The following SH3BGR variants were observed in gnomAD, a reference collection of about 807,000 sequenced individuals.
SH3BGR encodes SH3 domain binding glutamate rich protein, also known as SH3 domain-binding glutamic acid-rich protein.
SH3BGR carries 29 observed loss-of-function variants against 24.5 expected under a neutral mutation model. The ratio of observed to expected loss-of-function variants is 1.18; its 90% CI spans 0.88 to 1.61. The LOEUF (loss-of-function observed/expected upper bound fraction) is 1.61. Among genes scored for constraint, SH3BGR ranks in the 40% most tolerant of loss-of-function variants. The probability of loss-of-function intolerance (pLI) is 0.00; values close to 1 mark genes in which losing one functional copy is unlikely to be tolerated. For synonymous variants in SH3BGR, 55 were observed against 65.7 expected (o/e 0.84, Z 0.79); for missense variants, 162 against 205.8 (o/e 0.79, Z 1.30).
intron 6 of SH3BGR, among the ~76,000 whole-genome samples, chr21:39,512,406 G>A (rs1330826869): frequency 6.6e-6 from 1 of 152,240 alleles, no homozygotes; most frequent in East Asian, 1.9e-4. Flanking sequence ...GTCCCTTTAG[G>A]TATCTTTGAC....
upstream of SH3BGR, among the ~76,000 whole-genome samples, chr21:39,451,224 TG>T (rs2148440759): frequency 1.3e-5 from 2 of 152,360 alleles, no homozygotes; most frequent in South Asian, 4.1e-4. Flanking sequence ...ACAAAGAGCC[TG>T]TTATAAACAG....
rs748993234 is a variant in SH3BGR, at chr21:39,509,001, G to A, written c.409G>A (p.Glu137Lys). ...NLPEAQEKNE[E>K]EGETATEETE... ...AATTTTGATTTATGGATGTAAGGAA[G>A]AAGAAGGAGAGACAGCCACAGAAGA... Residue 137 changes from glutamate (E) to lysine (K), a missense_variant, in exon 5 of 7, where the codon GAA becomes AAA. Transcript: ENST00000333634. 4 of 1,608,360 alleles carry A rather than the reference G, an allele frequency of 2.5e-6. No individual in the cohort carries two copies. The highest frequency in any genetic ancestry group is 1.1e-5 in the South Asian group (1 of 89,876).
intron 3 of SH3BGR, chr21:39,491,793 TG>T (rs2123464862): frequency 4.7e-6 from 1 of 212,742 alleles, no homozygotes; most frequent in East Asian, 1.1e-4. Context: ...AATTTCTTAA[TG>T]GCCTTGTTCT....
At chr21:39,473,546 G>C (rs1396032155) in intron 2 of SH3BGR, among the ~76,000 whole-genome samples, 1 of 152,250 alleles carries the variant, frequency 6.6e-6, no homozygotes, top group East Asian at 1.9e-4. Flanking sequence ...ATCACTGAGA[G>C]ACTTGAGGCA....
intron 2 of SH3BGR, among the ~76,000 whole-genome samples, chr21:39,465,949 T>C (rs1280081155): frequency 6.6e-6 from 1 of 152,182 alleles, no homozygotes; most frequent in South Asian, 2.1e-4. Flanking sequence ...TTTGGCTTGG[T>C]CCTCTAATGA....
At chr21:39,481,231 G>C (rs1045603505) in intron 3 of SH3BGR, among the ~76,000 whole-genome samples, 10 of 152,196 alleles carry the variant, frequency 6.6e-5, no homozygotes, top group African/African-American at 2.4e-4. Flanking sequence ...TAGGAAGGTA[G>C]AGGCAGGAGG....
intron 3 of SH3BGR, among the ~76,000 whole-genome samples, chr21:39,475,969 G>A (rs1378888386): frequency 6.6e-6 from 1 of 151,942 alleles, no homozygotes; most frequent in Non-Finnish European, 1.5e-5. Context: ...AAGAAGTGAG[G>A]TAGGCAATTG....
chr21:39,452,210 A>G lies in SH3BGR; in HGVS notation c.45+69A>G, dbSNP rs62225184. ...TAACTTAGGGTTGGAAATATGGCCA[A>G]CGTTGGCCTTCAGTTTCTTTTTTGC... On this transcript the variant is annotated intron_variant, in intron 1 of 6. Coordinates refer to ENST00000333634, the MANE Select transcript of SH3BGR (RefSeq NM_007341.3). 10,383 of 1,594,786 alleles carry G rather than the reference A, an allele frequency of 6.5e-3. 47 individuals are homozygous for G. Among genetic ancestry groups the G allele is most frequent in the Non-Finnish European group, 7.6e-3 (8,855 of 1,169,650 alleles).
chr21:39,451,514 T>C (rs891975904), upstream of SH3BGR, among the ~76,000 whole-genome samples: 2 of 152,194 alleles, frequency 1.3e-5, no homozygotes, highest in Non-Finnish European at 2.9e-5. Flanking sequence ...AAAATTTTTT[T>C]TAACCTGCCA....
intron 3 of SH3BGR, among the ~76,000 whole-genome samples, chr21:39,499,310 G>T (rs564286239): frequency 8.2e-5 from 12 of 145,834 alleles, no homozygotes; most frequent in African/African-American, 2.9e-4. Context: ...CCATCTGTTT[G>T]CCCATCCATC....
intron 2 of SH3BGR, among the ~76,000 whole-genome samples, chr21:39,469,174 C>T (rs931495777): frequency 6.6e-6 from 1 of 151,202 alleles, no homozygotes; most frequent in Admixed American, 6.6e-5. Flanking sequence ...TTCCCATGTA[C>T]CCCCTGTTCC....
chr21:39,510,365 T>TACGTGCAC (rs1555915353), intron 5 of SH3BGR, among the ~76,000 whole-genome samples: 7 of 115,772 alleles, frequency 6.0e-5, no homozygotes, highest in African/African-American at 2.3e-4. Flanking sequence ...TGTAGCTACA[T>TACGTGCAC]ACACACACAC....
At chr21:39,494,205 A>C (rs1488286619) in intron 3 of SH3BGR, among the ~76,000 whole-genome samples, 2 of 150,864 alleles carry the variant, frequency 1.3e-5, no homozygotes. Flanking sequence ...TCTACTATGT[A>C]ATATTCCCAT....
chr21:39,488,749 A>G lies in SH3BGR; in HGVS notation c.313-11074A>G, dbSNP rs1259555381. ...GATGCTGGCGGCCGGGCATGAGGAC[A>G]GCAATGGTTGTCAACTCTGAAGAGC... On this transcript the variant is annotated intron_variant, in intron 3 of 6. Transcript: ENST00000333634. 6.7e-6 allele frequency: 3 copies of G among 448,320 alleles called. No homozygotes were observed. In the East Asian group the frequency reaches 1.9e-4, roughly 28 times the overall value. 27.8% of individuals were successfully genotyped at this position (448,320 alleles called of 1,614,324 possible).
intron 3 of SH3BGR, among the ~76,000 whole-genome samples, chr21:39,495,696 T>C (rs1386358379): frequency 6.6e-6 from 1 of 152,162 alleles, no homozygotes; most frequent in Non-Finnish European, 1.5e-5. Flanking sequence ...TTGCCCAGGC[T>C]AGTCTTGAAC....
At chr21:39,458,545 C>T (rs2077702533) in intron 1 of SH3BGR, among the ~76,000 whole-genome samples, 1 of 151,948 alleles carries the variant, frequency 6.6e-6, no homozygotes, top group African/African-American at 2.4e-5. Context: ...GCCATGTTGG[C>T]CAGGCTGGTC....
chr21:39,492,845 G>C (rs1298141673), intron 3 of SH3BGR, among the ~76,000 whole-genome samples: 2 of 151,914 alleles, frequency 1.3e-5, no homozygotes, highest in African/African-American at 4.8e-5. Context: ...TCACATTGTA[G>C]TTTTGGTTTG....
chr21:39,487,950 A>G (rs1405832401), intron 3 of SH3BGR, among the ~76,000 whole-genome samples: 1 of 152,226 alleles, frequency 6.6e-6, no homozygotes, highest in Non-Finnish European at 1.5e-5. Context: ...TTTGTTGAGA[A>G]GCATAAAAGA....
At position 39,457,523 on chromosome 21, in the gene SH3BGR, A is replaced by G; in HGVS notation, c.46-4852A>G. ...TATGATTATTATATATTATATAGTTATATATAAATCTTATATATAAGATTA... is the reference window on the plus strand; with the variant it reads ...TATGATTATTATATATTATATAGTTGTATATAAATCTTATATATAAGATTA... On this transcript the variant is annotated intron_variant, in intron 1 of 6. Coordinates refer to ENST00000333634, the MANE Select transcript of SH3BGR (RefSeq NM_007341.3). Among the ~76,000 whole-genome samples, 2 of 146,788 alleles carry G rather than the reference A, an allele frequency of 1.4e-5. 1 individual carries two copies. The highest frequency in any genetic ancestry group is 4.2e-4 in the South Asian group (2 of 4,770).
Sources: allele counts gnomAD v4.1 joint callset (sites outside exome capture counted in the v4.1 genomes callset), GRCh38; gene constraint gnomAD v4.1.1; transcripts MANE v1.5; gene names NCBI Gene and HGNC (gene_info 2026-07-23, HGNC 2026-07-21).